Variants in HTR1F observed in about 807,000 individuals in gnomAD.
HTR1F encodes 5-hydroxytryptamine receptor 1F.
HTR1F carries 17 observed loss-of-function variants against 24.0 expected under a neutral mutation model. That is an observed-to-expected ratio of 0.71 (90% CI 0.48 to 1.06). HTR1F has a LOEUF of 1.06. HTR1F is among the 50% of genes least tolerant of loss of function. The pLI, the probability that HTR1F is intolerant of heterozygous loss-of-function variation, is 0.00. For synonymous variants in HTR1F, 186 were observed against 156.8 expected (o/e 1.19, Z -1.39); for missense variants, 391 against 427.8 (o/e 0.91, Z 0.76).
chr3:87,977,642 C>T (rs973694015), intron 2 of HTR1F, among the ~76,000 whole-genome samples: 2 of 150,652 alleles, frequency 1.3e-5, no homozygotes, highest in African/African-American at 2.4e-5. Flanking sequence ...AGGATGGTCT[C>T]GATCTCCTGA....
chr3:87,937,767 C>A (rs1704460714), intron 2 of HTR1F, among the ~76,000 whole-genome samples: 1 of 151,610 alleles, frequency 6.6e-6, no homozygotes, highest in Admixed American at 6.6e-5. Flanking sequence ...ACTAAAAACA[C>A]AAAAAAATCA....
chr3:87,907,281 G>A (rs1703688969), intron 2 of HTR1F, among the ~76,000 whole-genome samples: 1 of 151,666 alleles, frequency 6.6e-6, no homozygotes, highest in African/African-American at 2.4e-5. Flanking sequence ...CTGATAATTA[G>A]TGATGTTGAG....
chr3:87,853,985 G>C (rs1291338629), intron 2 of HTR1F, among the ~76,000 whole-genome samples: 2 of 151,738 alleles, frequency 1.3e-5, no homozygotes, highest in South Asian at 2.1e-4. Context: ...ATGCATGAAT[G>C]ACTGCTTTTT....
Position 87,876,129 on chromosome 3 carries a change from T to C in HTR1F, c.-43+54005T>C, listed in dbSNP as rs114095326. Reference sequence around the variant, plus strand: ...CAAGTGTTGGGAAGGATGTGTAGAATTGGAGACTTTGTGTGCTGATCATGG... The same window carrying C: ...CAAGTGTTGGGAAGGATGTGTAGAACTGGAGACTTTGTGTGCTGATCATGG... On this transcript the variant is annotated intron_variant, in intron 2 of 2. Transcript: ENST00000319595. Among the ~76,000 whole-genome samples the C allele has an allele frequency of 3.6e-3, 554 of 152,284 alleles. 2 individuals are homozygous for C. The highest frequency in any genetic ancestry group is 0.013 in the African/African-American group (520 of 41,558).
At chr3:87,815,468 A>G (rs577661727) in intron 1 of HTR1F, among the ~76,000 whole-genome samples, 2 of 152,200 alleles carry the variant, frequency 1.3e-5, no homozygotes, top group South Asian at 4.1e-4. Context: ...CTATGTAATT[A>G]CCATATTTGA....
intron 2 of HTR1F, among the ~76,000 whole-genome samples, chr3:87,980,666 G>T (rs1293744856): frequency 5.5e-4 from 8 of 14,530 alleles, no homozygotes; most frequent in African/African-American, 6.3e-4. Context: ...CATCCATGGT[G>T]CTCAGGCTGT....
chr3:87,978,562 G>C (rs989289168), intron 2 of HTR1F, among the ~76,000 whole-genome samples: 1 of 152,020 alleles, frequency 6.6e-6, no homozygotes, highest in Admixed American at 6.6e-5. Flanking sequence ...TGGCCCTCAG[G>C]GGAGAAGAGA....
intron 2 of HTR1F, among the ~76,000 whole-genome samples, chr3:87,976,961 C>T (rs1393114912): frequency 6.6e-6 from 1 of 152,182 alleles, no homozygotes; most frequent in Non-Finnish European, 1.5e-5. Context: ...AGGAAAAGAT[C>T]ATGACCATAA....
intron 2 of HTR1F, among the ~76,000 whole-genome samples, chr3:87,905,603 A>G (rs940120709): frequency 5.3e-5 from 8 of 152,140 alleles, no homozygotes; most frequent in African/African-American, 1.9e-4. Flanking sequence ...TCATTGAGAC[A>G]TACTTTTTGA....
At chr3:87,802,501 G>A (rs1354392010) in intron 1 of HTR1F, among the ~76,000 whole-genome samples, 4 of 151,542 alleles carry the variant, frequency 2.6e-5, no homozygotes, top group East Asian at 2.0e-4. Flanking sequence ...GCACCACCAC[G>A]CCAGGCTAAT....
At chr3:87,985,434 G>T (rs1451515374) in intron 2 of HTR1F, among the ~76,000 whole-genome samples, 3 of 152,166 alleles carry the variant, frequency 2.0e-5, no homozygotes, top group Non-Finnish European at 2.9e-5. Context: ...AAAAATGGTG[G>T]TTAAAAGAAT....
chr3:87,846,547 G>A (rs1704949423), intron 2 of HTR1F, among the ~76,000 whole-genome samples: 1 of 151,834 alleles, frequency 6.6e-6, no homozygotes, highest in Admixed American at 6.6e-5. Flanking sequence ...AAAGACAAAA[G>A]ACTTTTCCAA....
intron 2 of HTR1F, among the ~76,000 whole-genome samples, chr3:87,934,681 T>A (rs951551932): frequency 1.3e-5 from 2 of 152,124 alleles, no homozygotes; most frequent in Non-Finnish European, 2.9e-5. Flanking sequence ...TCCAGGCAAA[T>A]CTTCATTCCA....
At chr3:87,904,177 C>T (rs1383467369) in intron 2 of HTR1F, among the ~76,000 whole-genome samples, 1 of 152,100 alleles carries the variant, frequency 6.6e-6, no homozygotes, top group Non-Finnish European at 1.5e-5. Context: ...TGAGATATCA[C>T]TGCACACCTA....
At chr3:87,870,249 A>C (rs1705525506) in intron 2 of HTR1F, among the ~76,000 whole-genome samples, 2 of 152,100 alleles carry the variant, frequency 1.3e-5, no homozygotes, top group Non-Finnish European at 2.9e-5. Flanking sequence ...TTTCCCCACA[A>C]GTTATCATTA....
chr3:87,835,936 C>T (rs116635804), intron 2 of HTR1F, among the ~76,000 whole-genome samples: 198 of 152,242 alleles, frequency 1.3e-3, no homozygotes, highest in Admixed American at 2.0e-3. Flanking sequence ...CTGTAGTGTG[C>T]CAGTGCAAAG....
At chr3:87,827,909 C>T (rs1704497707) in intron 2 of HTR1F, among the ~76,000 whole-genome samples, 1 of 152,116 alleles carries the variant, frequency 6.6e-6, no homozygotes, top group African/African-American at 2.4e-5. Context: ...CCCTTCTCTC[C>T]TGGGGTAACT....
chr3:87,932,384 A>G (rs1005498000), intron 2 of HTR1F, among the ~76,000 whole-genome samples: 18 of 152,152 alleles, frequency 1.2e-4, no homozygotes, highest in African/African-American at 4.1e-4. Context: ...TGAGGGATCC[A>G]TTCTGTTCCA....
chr3:87,959,971 C>T (rs1277312015), intron 2 of HTR1F, among the ~76,000 whole-genome samples: 2 of 151,892 alleles, frequency 1.3e-5, no homozygotes, highest in African/African-American at 2.4e-5. Context: ...AAAAGTTGGG[C>T]TTGTTGAATA....
Sources: allele counts gnomAD v4.1 joint callset (sites outside exome capture counted in the v4.1 genomes callset), GRCh38; gene constraint gnomAD v4.1.1; transcripts MANE v1.5; gene names NCBI Gene and HGNC (gene_info 2026-07-23, HGNC 2026-07-21).